The following G2E3 variants were observed in gnomAD, a reference collection of about 807,000 sequenced individuals.
G2E3 encodes the protein G2/M phase-specific E3 ubiquitin-protein ligase.
G2E3 carries 35 observed loss-of-function variants against 92.8 expected under a neutral mutation model. The ratio of observed to expected loss-of-function variants is 0.38; its 90% CI spans 0.29 to 0.50. The LOEUF is 0.50. G2E3 is among the 20% of genes least tolerant of loss of function. The pLI is 0.94. For synonymous variants in G2E3, 242 were observed against 272.4 expected, an observed-to-expected ratio of 0.89 and a Z score of 1.10; for missense variants, 554 against 823.8, an observed-to-expected ratio of 0.67 and a Z score of 4.01.
chr14:30,601,898 A>AT lies in G2E3; in HGVS notation c.877+11dup, dbSNP rs1281773825. 5.0e-6 allele frequency: 8 copies of AT among 1,611,754 alleles called. No individual in the cohort carries two copies. Among genetic ancestry groups the AT allele is most frequent in the African/African-American group, 1.3e-5 (1 of 74,900 alleles). On this transcript the variant is annotated splice_donor_region_variant and intron_variant, in intron 9 of 14. Coordinates refer to ENST00000206595, the MANE Select transcript of G2E3 (RefSeq NM_017769.5). Reference sequence around the variant, plus strand: ...AGGGGTATTATCTACAATTCAGGTAATTTTTTTGTAATTTTGAATAAAGTT... The same window carrying AT: ...AGGGGTATTATCTACAATTCAGGTAATTTTTTTTGTAATTTTGAATAAAGTT...
At chr14:30,562,612 G>C (rs543654055) in intron 1 of G2E3, among the ~76,000 whole-genome samples, 1 of 151,804 alleles carries the variant, frequency 6.6e-6, no homozygotes, top group East Asian at 1.9e-4. Context: ...CCCTTTCCCC[G>C]GGGGAGTTTA....
intron 4 of G2E3, 132 bp from the exon 5 acceptor site, chr14:30,592,191 T>C (rs1340923747): frequency 1.3e-6 from 1 of 742,546 alleles, no homozygotes; most frequent in Non-Finnish European, 2.2e-6. Context: ...TTATTTAATA[T>C]ACCCTTACCA....
chr14:30,598,517 C>G lies in G2E3; in HGVS notation c.670C>G (p.Gln224Glu), dbSNP rs767376750. 2.5e-6 allele frequency: 4 copies of G among 1,613,306 alleles called. No individual in the cohort carries two copies. Among genetic ancestry groups the G allele is most frequent in the Admixed American group, 3.3e-5 (2 of 60,000 alleles). Residue 224 changes from glutamine to glutamate, a missense_variant, in exon 8 of 15, where the codon CAA (glutamine) becomes GAA (glutamate). Physicochemically the swap from Gln to Glu is conservative, Grantham distance 29. Around this residue, in one of 3 missense-constraint regions of G2E3, gnomAD observed 397 missense variants for 560.3 expected, o/e 0.71. Transcript: ENST00000206595. ...CTGGGAATTAGAGGAAAACGCTTAT[C>G]AAGAGCTTCTGCAGCACTATGAGCG... Reference protein sequence around the residue: ...ASWELEENAYQELLQHYERCD... With the variant: ...ASWELEENAYEELLQHYERCD...
In G2E3 at chr14:30,618,028, A is replaced by G. The variant is rs1011224781; in HGVS notation, c.*1494A>G. 4.6e-5 allele frequency: 7 copies of G among 152,106 alleles called. No homozygotes were observed. The allele number at this position is 152,106 out of a possible 1,614,324, so 9.4% of individuals were successfully genotyped here. ...ATTCTCACCCTTCTTAAGAAAAATC[A>G]TTACATTATTGATATTTTTTAAGTA... On this transcript the variant is annotated 3_prime_UTR_variant, in exon 15 of 15. Transcript: ENST00000206595.
At chr14:30,615,304 AAC>A in intron 13 of G2E3, 43 bp from the exon 14 acceptor site, 2 of 975,632 alleles carry the variant, frequency 2.0e-6, no homozygotes, top group Non-Finnish European at 3.1e-6. Flanking sequence ...TATAATACCA[AAC>A]ACACATGTAT....
intron 2 of G2E3, 138 bp from the exon 3 acceptor site, chr14:30,586,580 T>C (rs1244726580): frequency 7.6e-6 from 3 of 392,586 alleles, no homozygotes; most frequent in Non-Finnish European, 1.4e-5. Context: ...ATTGGAAATT[T>C]TAAGTTACTG....
chr14:30,589,054 T>TA (rs1160026386), intron 3 of G2E3, among the ~76,000 whole-genome samples: 2 of 151,998 alleles, frequency 1.3e-5, no homozygotes, highest in Non-Finnish European at 2.9e-5. Context: ...TTGTAGGTGT[T>TA]CTTTCTTTCT....
chr14:30,570,777 G>T (rs557392425), intron 1 of G2E3, among the ~76,000 whole-genome samples: 7 of 152,058 alleles, frequency 4.6e-5, no homozygotes, highest in Non-Finnish European at 1.0e-4. Context: ...TTTCTAGGGA[G>T]GTACAGGCCT....
rs377743291 is a variant in G2E3 at position 30,583,234 on chromosome 14, A to G, written c.37+2118A>G. Among the ~76,000 whole-genome samples the G allele has an allele frequency of 3.3e-5, 5 of 152,346 alleles. No individual in the cohort carries two copies. In the South Asian group the frequency reaches 1.0e-3, roughly 32 times the overall value. ...TTAGCATCTTAATAAAATTTTCTGT[A>G]TAAATAAACATGTAACAGAAAAGAT... is the stretch of plus-strand genomic sequence containing the variant. On this transcript the variant is annotated intron_variant, in intron 2 of 14. Transcript: ENST00000206595.
At chr14:30,572,387 C>A (rs1004018699) in intron 1 of G2E3, among the ~76,000 whole-genome samples, 3 of 152,148 alleles carry the variant, frequency 2.0e-5, no homozygotes, top group Admixed American at 1.3e-4. Context: ...ATTTATTTTA[C>A]CCACAGTTTG....
rs143307581 is a variant in G2E3, at chr14:30,595,078, C to T, written c.528+1439C>T. On this transcript the variant is annotated intron_variant, in intron 6 of 14. Transcript: ENST00000206595. ...GCTTGAACCCGGGAGGTAGAGGTTG[C>T]GGTATGCTGAGATAGCACCACTGCA... Among the ~76,000 whole-genome samples the T allele has an allele frequency of 9.2e-5, 14 of 151,922 alleles. No homozygotes were observed. The East Asian group carries it at 1.7e-3, about 19-fold the overall frequency.
Position 30,582,040 on chromosome 14 carries a change from C to T in G2E3, c.37+924C>T, listed in dbSNP as rs536260827. Among the ~76,000 whole-genome samples the T allele has an allele frequency of 2.2e-4, 33 of 152,256 alleles. No homozygotes were observed. In the South Asian group the frequency reaches 6.0e-3, roughly 28 times the overall value. ...GGATAAGGAAATTTATGCTCCTAAA[C>T]CTCTTCTACTTTCTTTCCCTGCTTC... On this transcript the variant is annotated intron_variant, in intron 2 of 14. Transcript: ENST00000206595.
Position 30,593,686 on chromosome 14 carries a change from G to C in G2E3, c.528+47G>C, listed in dbSNP as rs376658710. 148 of 1,318,850 alleles carry C rather than the reference G, an allele frequency of 1.1e-4. 1 individual carries two copies. Among genetic ancestry groups the C allele is most frequent in the Non-Finnish European group, 1.6e-4 (145 of 928,112 alleles). The allele number at this position is 1,318,850 out of a possible 1,614,324, so 81.7% of individuals were successfully genotyped here. On this transcript the variant is annotated intron_variant, in intron 6 of 14. Transcript: ENST00000206595. Reference sequence around the variant, plus strand: ...CTTTCTCTGATTGATATAAAATTATGGCTTGCTGATTTAAATTTTAAATTA... The same window carrying C: ...CTTTCTCTGATTGATATAAAATTATCGCTTGCTGATTTAAATTTTAAATTA...
In G2E3 at chr14:30,617,874, G is replaced by A. The variant is rs1046062; in HGVS notation, c.*1340G>A. On this transcript the variant is annotated 3_prime_UTR_variant, in exon 15 of 15. Coordinates refer to ENST00000206595, the MANE Select transcript of G2E3 (RefSeq NM_017769.5). ...AAGAAAAAATTGGAAAACAAAGTCTGATGTCCTTAATCTATTAACATATTT... is the reference window on the plus strand; with the variant it reads ...AAGAAAAAATTGGAAAACAAAGTCTAATGTCCTTAATCTATTAACATATTT... 1 of 151,948 alleles carries A rather than the reference G, an allele frequency of 6.6e-6. No homozygotes were observed. Among genetic ancestry groups the A allele is most frequent in the East Asian group, 1.9e-4 (1 of 5,184 alleles). 9.4% of individuals were successfully genotyped at this position (151,948 alleles called of 1,614,324 possible).
At chr14:30,602,401 T>G (rs1881614798) in intron 10 of G2E3, among the ~76,000 whole-genome samples, 2 of 104,374 alleles carry the variant, frequency 1.9e-5, no homozygotes, top group Non-Finnish European at 3.6e-5. Context: ...GAAAAGTGTA[T>G]CTATCCTAAT....
intron 4 of G2E3, among the ~76,000 whole-genome samples, chr14:30,590,200 G>T (rs1258168591): frequency 6.6e-6 from 1 of 152,112 alleles, no homozygotes; most frequent in Non-Finnish European, 1.5e-5. Flanking sequence ...TGATTTTCAT[G>T]GGGGAGCATT....
At chr14:30,580,722 T>C (rs1880384812) in intron 1 of G2E3, 1 of 172,956 alleles carries the variant, frequency 5.8e-6, no homozygotes, top group African/African-American at 2.4e-5. Flanking sequence ...TAGATTTTTT[T>C]AACCTACTTG....
At chr14:30,583,025 T>C (rs1880517191) in intron 2 of G2E3, among the ~76,000 whole-genome samples, 1 of 152,164 alleles carries the variant, frequency 6.6e-6, no homozygotes, top group Admixed American at 6.5e-5. Context: ...TCTTACTGGT[T>C]TAAAACAAGA....
rs1189076225 is a variant in G2E3, at chr14:30,560,563, C to G, written c.-5+1291C>G. On this transcript the variant is annotated intron_variant, in intron 1 of 14. Coordinates refer to ENST00000206595, the MANE Select transcript of G2E3 (RefSeq NM_017769.5). ...AGTGTCTTTGTAACAGAGACATTGGCTATACTTCTCTAAGCCTTTCTGCTC... is the reference window on the plus strand; with the variant it reads ...AGTGTCTTTGTAACAGAGACATTGGGTATACTTCTCTAAGCCTTTCTGCTC... 48 of 501,546 alleles carry G rather than the reference C, an allele frequency of 9.6e-5. No homozygotes were observed. The South Asian group carries it at 1.5e-3, about 15-fold the overall frequency. The allele number at this position is 501,546 out of a possible 1,614,324, so 31.1% of individuals were successfully genotyped here. A position where few individuals can be genotyped will look rare whatever the true frequency, so the allele number is the denominator to read the frequency against.
Sources: allele counts gnomAD v4.1 joint callset (sites outside exome capture counted in the v4.1 genomes callset), GRCh38; gene constraint gnomAD v4.1.1; regional missense constraint gnomAD v4.1.1; transcripts MANE v1.5; gene names NCBI Gene and HGNC (gene_info 2026-07-23, HGNC 2026-07-21).